Variants in CECR2 observed in about 807,000 individuals in gnomAD.
The protein encoded by CECR2 is chromatin remodeling regulator CECR2.
In CECR2, 30 loss-of-function variants were observed where a neutral mutation model predicts 154.5. The observed-to-expected ratio is 0.19, with a 90% CI of 0.15 to 0.26. The LOEUF (loss-of-function observed/expected upper bound fraction) is 0.26. CECR2 is among the 10% of genes least tolerant of loss of function. CECR2 has a pLI of 1.00. For synonymous variants in CECR2, 725 were observed against 683.7 expected (o/e 1.06, Z -0.94); for missense variants, 1,743 against 1,829.3 (o/e 0.95, Z 0.86).
chr22:17,408,528 C>T (rs2054019024), intron 1 of CECR2, among the ~76,000 whole-genome samples: 1 of 152,112 alleles, frequency 6.6e-6, no homozygotes, highest in South Asian at 2.1e-4. Context: ...TTTTGTTGGA[C>T]ATCCGTAACA....
chr22:17,413,098 G>A (rs1330252934), intron 1 of CECR2, among the ~76,000 whole-genome samples: 2 of 152,160 alleles, frequency 1.3e-5, no homozygotes, highest in Non-Finnish European at 2.9e-5. Context: ...CTTTTGCAGA[G>A]CCTTTTGTCT....
At chr22:17,535,525 T>G (rs2056425071) in intron 9 of CECR2, among the ~76,000 whole-genome samples, 1 of 152,166 alleles carries the variant, frequency 6.6e-6, no homozygotes, top group Non-Finnish European at 1.5e-5. Context: ...AAAACTGGAA[T>G]CAAGGAGAAT....
At chr22:17,520,532 A>G (rs1478411150) in intron 8 of CECR2, among the ~76,000 whole-genome samples, 2 of 152,086 alleles carry the variant, frequency 1.3e-5, no homozygotes, top group Non-Finnish European at 2.9e-5. Context: ...CCATCAACTC[A>G]TCATTTACAT....
At chr22:17,386,359 G>A (rs1444247948) in intron 1 of CECR2, among the ~76,000 whole-genome samples, 1 of 149,922 alleles carries the variant, frequency 6.7e-6, no homozygotes, top group African/African-American at 2.4e-5. Flanking sequence ...AAGGAAGGGC[G>A]TTTTAAAAAA....
chr22:17,464,053 T>G (rs1029090695), intron 1 of CECR2, among the ~76,000 whole-genome samples: 1 of 152,174 alleles, frequency 6.6e-6, no homozygotes, highest in Non-Finnish European at 1.5e-5. Flanking sequence ...CTGAGAACCA[T>G]TTGTTAAATT....
chr22:17,418,153 G>A lies in CECR2; in HGVS notation c.126+48244G>A, dbSNP rs182179289. Among the ~76,000 whole-genome samples, 4 of 152,158 alleles carry A rather than the reference G, an allele frequency of 2.6e-5. No individual in the cohort carries two copies. The East Asian group carries it at 5.8e-4, about 22-fold the overall frequency. On this transcript the variant is annotated intron_variant, in intron 1 of 18. Transcript: ENST00000262608. ...CCCCAAGAAAGTTCTCTCATGCTGC[G>A]TGCAGTCAAATCTGCCCCACCACAC...
At chr22:17,528,040 T>C (rs759966110) in intron 9 of CECR2, among the ~76,000 whole-genome samples, 1 of 152,170 alleles carries the variant, frequency 6.6e-6, no homozygotes, top group African/African-American at 2.4e-5. Context: ...TAAAATCTAT[T>C]AATCCCACTG....
intron 1 of CECR2, among the ~76,000 whole-genome samples, chr22:17,408,162 C>T (rs934433048): frequency 6.6e-6 from 1 of 152,048 alleles, no homozygotes; most frequent in Non-Finnish European, 1.5e-5. Context: ...AGTTCCAAGA[C>T]GTTTTTATCA....
At chr22:17,408,808 C>G (rs1030001371) in intron 1 of CECR2, among the ~76,000 whole-genome samples, 1 of 152,234 alleles carries the variant, frequency 6.6e-6, no homozygotes, top group South Asian at 2.1e-4. Context: ...GTATCTTTCT[C>G]TCTTCCCATT....
At chr22:17,371,208 G>A (rs2063056666) in intron 1 of CECR2, among the ~76,000 whole-genome samples, 1 of 152,138 alleles carries the variant, frequency 6.6e-6, no homozygotes, top group Non-Finnish European at 1.5e-5. Context: ...CGCAGTTAAT[G>A]AAATCAGGAA....
intron 1 of CECR2, among the ~76,000 whole-genome samples, chr22:17,421,976 G>A (rs990388190): frequency 5.9e-5 from 9 of 151,652 alleles, no homozygotes; most frequent in African/African-American, 1.7e-4. Flanking sequence ...TCTTTGTCAG[G>A]GTACAGAATT....
intron 1 of CECR2, among the ~76,000 whole-genome samples, chr22:17,404,277 G>A (rs78716752): frequency 1.3e-4 from 3 of 23,016 alleles, no homozygotes; most frequent in Admixed American, 1.1e-3. Flanking sequence ...CGACCCCCCT[G>A]CCAAAAAAAA....
At chr22:17,396,788 CTG>C (rs773905633) in intron 1 of CECR2, among the ~76,000 whole-genome samples, 5 of 152,214 alleles carry the variant, frequency 3.3e-5, no homozygotes, top group Non-Finnish European at 4.4e-5. Context: ...GATCACTTCA[CTG>C]TTAGTATAGA....
At chr22:17,487,140 C>T (rs2518770) in intron 2 of CECR2, among the ~76,000 whole-genome samples, 25,323 of 152,170 alleles carry the variant, frequency 0.17, 2,221 homozygotes, top group Non-Finnish European at 0.2. Context: ...GATGCTAACA[C>T]GTTCTTTGCA....
chr22:17,515,738 C>T (rs527352735), intron 8 of CECR2, among the ~76,000 whole-genome samples: 1 of 151,056 alleles, frequency 6.6e-6, no homozygotes, highest in Non-Finnish European at 1.5e-5. Context: ...TGCAGTGGCA[C>T]AATCTGGGCT....
intron 8 of CECR2, among the ~76,000 whole-genome samples, chr22:17,521,748 T>C (rs1049679778): frequency 5.9e-5 from 9 of 152,232 alleles, no homozygotes; most frequent in Non-Finnish European, 1.3e-4. Context: ...AGAAGCTCTT[T>C]AGTTTAATTA....
intron 1 of CECR2, among the ~76,000 whole-genome samples, chr22:17,379,902 A>G (rs1340067979): frequency 6.6e-6 from 1 of 152,144 alleles, no homozygotes; most frequent in Non-Finnish European, 1.5e-5. Context: ...CTTCAAGGAA[A>G]TGAGATCACA....
chr22:17,538,953 C>G (rs750926674), intron 12 of CECR2, 40 bp from the exon 13 acceptor site: 1 of 1,599,438 alleles, frequency 6.3e-7, no homozygotes, highest in African/African-American at 1.3e-5. Context: ...TGTTTGCTCT[C>G]AGCATATTTT....
intron 1 of CECR2, among the ~76,000 whole-genome samples, chr22:17,423,308 G>A (rs1368719939): frequency 6.6e-6 from 1 of 151,852 alleles, no homozygotes; most frequent in African/African-American, 2.4e-5. Context: ...CCCTTCCCCT[G>A]CGTCAGTTAG....
Sources: gnomAD v4.1 joint callset for allele counts (sites outside exome capture counted in the v4.1 genomes callset) on GRCh38, gnomAD v4.1.1 for gene constraint, MANE v1.5 for transcripts, NCBI Gene and HGNC (gene_info 2026-07-23, HGNC 2026-07-21) for gene names.